Variants in ST8SIA6 observed in about 807,000 individuals in gnomAD.
ST8SIA6 encodes the protein ST8 alpha-N-acetyl-neuraminide alpha-2,8-sialyltransferase 6, also known as alpha-2,8-sialyltransferase 8F.
A neutral mutation model predicts 33.6 loss-of-function variants in ST8SIA6; 39 were observed. The observed-to-expected ratio is 1.16, with a 90% CI of 0.90 to 1.52. The LOEUF is 1.52. Among genes scored for constraint, ST8SIA6 ranks in the 40% most tolerant of loss-of-function variants. The pLI, the probability that ST8SIA6 is intolerant of heterozygous loss-of-function variation, is 0.00. For synonymous variants in ST8SIA6, 172 were observed against 167.2 expected (o/e 1.03, Z -0.22); for missense variants, 441 against 443.8 (o/e 0.99, Z 0.06).
chr10:17,415,168 A>G (rs1288828902), intron 2 of ST8SIA6, among the ~76,000 whole-genome samples: 1 of 152,034 alleles, frequency 6.6e-6, no homozygotes, highest in Non-Finnish European at 1.5e-5. Context: ...CTTCCTCAAC[A>G]ATCTATTCCC....
rs1853053490 is a variant in ST8SIA6 at position 17,454,568 on chromosome 10, G to A, written c.-313C>T. ...CCCGGAGGCGCTCGGAGCTGCTGCG[G>A]GCTCCGGTCGCCGCTGCCACTGCTG... On this transcript the variant is annotated 5_prime_UTR_variant, in exon 1 of 8. Transcript: ENST00000377602. This position sits in a 1 kb window ranked among gnomAD's most constrained non-coding sequence, Gnocchi z 4.1. 6.6e-6 allele frequency among the ~76,000 whole-genome samples: 1 copy of A among 151,916 alleles called. No homozygotes were observed. The highest frequency in any genetic ancestry group is 1.5e-5 in the Non-Finnish European group (1 of 67,902).
rs1275236703 is a variant in ST8SIA6 at position 17,319,207 on chromosome 10, C to T, written c.*1671G>A. ...CACATCAGCTATGTAAATCATAAAA[C>T]ATGCGTCACAGTTCTTGTCGCTCTG... On this transcript the variant is annotated 3_prime_UTR_variant, in exon 8 of 8. Transcript: ENST00000377602. Among the ~76,000 whole-genome samples the T allele has an allele frequency of 6.6e-6, 1 of 152,196 alleles. No individual in the cohort carries two copies. Among genetic ancestry groups the T allele is most frequent in the African/African-American group, 2.4e-5 (1 of 41,444 alleles).
chr10:17,424,105 C>CA lies in ST8SIA6; in HGVS notation c.200+29453_200+29454insT, dbSNP rs1271631434. On this transcript the variant is annotated intron_variant, in intron 2 of 7. Transcript: ENST00000377602. ...ACCTCTATAACATTATTTCCAAATTCTTTTTTTTTTTTTTTTGAGATGGAG... is the reference window on the plus strand; with the variant it reads ...ACCTCTATAACATTATTTCCAAATTCATTTTTTTTTTTTTTTTGAGATGGAG... 1.9e-4 allele frequency among the ~76,000 whole-genome samples: 26 copies of CA among 140,502 alleles called. 1 individual carries two copies. Among genetic ancestry groups the CA allele is most frequent in the Non-Finnish European group, 3.4e-4 (22 of 64,086 alleles). The allele number at this position is 140,502 out of a possible 152,430, so 92.2% of individuals were successfully genotyped here. A position where few individuals can be genotyped will look rare whatever the true frequency, so the allele number is the denominator to read the frequency against.
In ST8SIA6 at chr10:17,333,717, A is replaced by ATTTTTTTTTT. The variant is rs71392102; in HGVS notation, c.378-2175_378-2166dup. Among the ~76,000 whole-genome samples, 37 of 33,770 alleles carry ATTTTTTTTTT rather than the reference A, an allele frequency of 1.1e-3. 3 individuals carry two copies. Among genetic ancestry groups the ATTTTTTTTTT allele is most frequent in the African/African-American group, 3.1e-3 (18 of 5,724 alleles). 22.2% of individuals were successfully genotyped at this position (33,770 alleles called of 152,430 possible). On this transcript the variant is annotated intron_variant, in intron 4 of 7. Coordinates refer to ENST00000377602, the MANE Select transcript of ST8SIA6 (RefSeq NM_001004470.3). ...TATATATATATATATATATATATAT[A>ATTTTTTTTTT]TTTTTTTTTTTTTTTTTTTTTTTTG...
At chr10:17,419,656 A>G (rs1489178352) in intron 2 of ST8SIA6, among the ~76,000 whole-genome samples, 1 of 152,210 alleles carries the variant, frequency 6.6e-6, no homozygotes, top group Admixed American at 6.5e-5. Context: ...GAAGTCATAG[A>G]CAGAAGAAAA....
At chr10:17,427,030 G>C (rs532788962) in intron 2 of ST8SIA6, among the ~76,000 whole-genome samples, 1 of 151,892 alleles carries the variant, frequency 6.6e-6, no homozygotes, top group African/African-American at 2.4e-5. Context: ...GCTTGAACCC[G>C]GAGGCGGAGG....
At chr10:17,453,037 G>GAA (rs112644291) in intron 2 of ST8SIA6, among the ~76,000 whole-genome samples, 3,781 of 146,410 alleles carry the variant, frequency 0.026, 163 homozygotes, top group African/African-American at 0.089. Flanking sequence ...TTTACAATCT[G>GAA]AAAAAAAAAC....
intron 3 of ST8SIA6, among the ~76,000 whole-genome samples, chr10:17,389,543 C>T (rs1850507362): frequency 6.6e-6 from 1 of 152,154 alleles, no homozygotes; most frequent in Non-Finnish European, 1.5e-5. Context: ...ACCAGTGCCT[C>T]TTCCATGTAG....
intron 2 of ST8SIA6, among the ~76,000 whole-genome samples, chr10:17,424,738 A>T (rs1038719719): frequency 1.4e-5 from 2 of 140,946 alleles, no homozygotes; most frequent in Non-Finnish European, 1.6e-5. Context: ...AACATCATAA[A>T]TTTTTTTTTT....
intron 5 of ST8SIA6, among the ~76,000 whole-genome samples, chr10:17,329,686 G>A (rs918222110): frequency 2.0e-5 from 3 of 152,092 alleles, no homozygotes; most frequent in Non-Finnish European, 4.4e-5. Context: ...CTCACAATAA[G>A]GAATGTTTTT....
chr10:17,435,699 T>TA (rs1852230615), intron 2 of ST8SIA6, among the ~76,000 whole-genome samples: 1 of 91,274 alleles, frequency 1.1e-5, no homozygotes, highest in Admixed American at 1.8e-4. Flanking sequence ...GAACTGCTTA[T>TA]AAAATGGGGG....
At chr10:17,380,097 A>T (rs1179195138) in intron 3 of ST8SIA6, among the ~76,000 whole-genome samples, 7 of 152,090 alleles carry the variant, frequency 4.6e-5, no homozygotes, top group Admixed American at 3.3e-4. Context: ...TTTTGGGGGG[A>T]CTTTACTTGC....
At chr10:17,414,642 G>A (rs1030902389) in intron 2 of ST8SIA6, among the ~76,000 whole-genome samples, 1 of 152,298 alleles carries the variant, frequency 6.6e-6, no homozygotes, top group Non-Finnish European at 1.5e-5. Flanking sequence ...GCAGACAGCT[G>A]CCTGCTGGCT....
chr10:17,437,712 T>TTCCCTTCCC (rs369058675), intron 2 of ST8SIA6, among the ~76,000 whole-genome samples: 5,156 of 146,736 alleles, frequency 0.035, 238 homozygotes, highest in African/African-American at 0.088. Context: ...CTTCCCTTCC[T>TTCCCTTCCC]TCCCTTCCCT....
At chr10:17,438,262 C>G (rs932465655) in intron 2 of ST8SIA6, among the ~76,000 whole-genome samples, 3 of 152,130 alleles carry the variant, frequency 2.0e-5, no homozygotes, top group African/African-American at 7.2e-5. Flanking sequence ...TAAGTATGTA[C>G]TTTAGACTCC....
At chr10:17,341,225 T>G (rs1848663312) in intron 4 of ST8SIA6, among the ~76,000 whole-genome samples, 1 of 152,194 alleles carries the variant, frequency 6.6e-6, no homozygotes, top group Non-Finnish European at 1.5e-5. Flanking sequence ...CTCTATAATG[T>G]TCAAAACCAT....
At chr10:17,354,273 G>T (rs970136374) in intron 4 of ST8SIA6, among the ~76,000 whole-genome samples, 6 of 152,144 alleles carry the variant, frequency 3.9e-5, no homozygotes, top group Non-Finnish European at 5.9e-5. Context: ...AAATAGCTGA[G>T]TGTCACGCTC....
chr10:17,376,321 A>G (rs1213486625), intron 3 of ST8SIA6, among the ~76,000 whole-genome samples: 1 of 152,184 alleles, frequency 6.6e-6, no homozygotes, highest in Non-Finnish European at 1.5e-5. Context: ...TGCCTGATAA[A>G]GAAGGAATAT....
chr10:17,335,777 A>G (rs764821495), intron 4 of ST8SIA6, among the ~76,000 whole-genome samples: 3 of 152,176 alleles, frequency 2.0e-5, no homozygotes, highest in South Asian at 2.1e-4. Flanking sequence ...TCTTATGCGT[A>G]TATAATTTTT....
Sources: allele counts gnomAD v4.1 joint callset (sites outside exome capture counted in the v4.1 genomes callset), GRCh38; gene constraint gnomAD v4.1.1; non-coding constraint Gnocchi (gnomAD v3.1); transcripts MANE v1.5; gene names NCBI Gene and HGNC (gene_info 2026-07-23, HGNC 2026-07-21).